Variants in CDH13 observed in about 807,000 individuals in gnomAD.
CDH13 encodes the protein cadherin-13.
Under a neutral mutation model 63.8 loss-of-function variants are expected in CDH13, and 24 were observed. That is an observed-to-expected ratio of 0.38 (90% confidence interval 0.27 to 0.53). The LOEUF is 0.53. CDH13 is among the 20% of genes least tolerant of loss of function. The pLI is 0.85. For missense variants in CDH13, 1,049 were observed against 903.1 expected, an observed-to-expected ratio of 1.16 and a Z score of -2.07; for synonymous variants, 503 against 355.3, an observed-to-expected ratio of 1.42 and a Z score of -4.67.
chr16:83,422,210 G>A (rs10514571), intron 6 of CDH13, among the ~76,000 whole-genome samples: 76,451 of 152,016 alleles, frequency 0.5, 19,755 homozygotes, highest in African/African-American at 0.61. Flanking sequence ...ACTATTTTTC[G>A]TAAGTTGTAC....
chr16:83,789,337 C>CTTTTTTTTT (rs148503283), intron 13 of CDH13, among the ~76,000 whole-genome samples: 28 of 132,254 alleles, frequency 2.1e-4, no homozygotes, highest in Non-Finnish European at 2.7e-4. Flanking sequence ...TAGTAGCTTT[C>CTTTTTTTTT]TTTTTTTTTG....
chr16:83,107,995 G>C (rs1002947137), intron 3 of CDH13, among the ~76,000 whole-genome samples: 1 of 151,872 alleles, frequency 6.6e-6, no homozygotes, highest in Non-Finnish European at 1.5e-5. Flanking sequence ...GCTAATTTTT[G>C]TATTTTTAGT....
At chr16:83,525,899 A>T (rs2074948863) in intron 7 of CDH13, among the ~76,000 whole-genome samples, 1 of 152,196 alleles carries the variant, frequency 6.6e-6, no homozygotes, top group African/African-American at 2.4e-5. Context: ...GGGGCCACAA[A>T]CCAAGGAACA....
At chr16:83,295,130 GA>G (rs992494714) in intron 5 of CDH13, among the ~76,000 whole-genome samples, 8 of 152,050 alleles carry the variant, frequency 5.3e-5, no homozygotes, top group East Asian at 3.9e-4. Flanking sequence ...CACAATGGGG[GA>G]AAAAAACTCT....
At chr16:83,277,553 G>A (rs75051030) in intron 5 of CDH13, among the ~76,000 whole-genome samples, 4,276 of 152,188 alleles carry the variant, frequency 0.028, 187 homozygotes, top group African/African-American at 0.089. Context: ...ATGAGGTCAA[G>A]ACTATTTTCA....
intron 1 of CDH13, among the ~76,000 whole-genome samples, chr16:82,807,458 C>G (rs184105775): frequency 8.6e-4 from 131 of 152,198 alleles, no homozygotes; most frequent in Non-Finnish European, 1.6e-3. Context: ...ATTCCAAGAT[C>G]AAGGGGAAGG....
chr16:83,495,499 A>G (rs2151577188), intron 7 of CDH13, among the ~76,000 whole-genome samples: 1 of 152,340 alleles, frequency 6.6e-6, no homozygotes, highest in African/African-American at 2.4e-5. Context: ...TTTAAAAGGT[A>G]TCAGACTCTT....
At chr16:83,613,647 A>G (rs1339679859) in intron 8 of CDH13, among the ~76,000 whole-genome samples, 2 of 152,112 alleles carry the variant, frequency 1.3e-5, no homozygotes, top group Non-Finnish European at 2.9e-5. Flanking sequence ...CCTGGCCAAC[A>G]TGGTGAAACC....
At chr16:83,162,036 C>A (rs58148119) in intron 4 of CDH13, among the ~76,000 whole-genome samples, 1 of 152,116 alleles carries the variant, frequency 6.6e-6, no homozygotes, top group Non-Finnish European at 1.5e-5. Context: ...CAGCTAGTCC[C>A]TTTGTTTGGG....
At chr16:82,712,296 G>T (rs2032010252) in intron 1 of CDH13, among the ~76,000 whole-genome samples, 1 of 152,046 alleles carries the variant, frequency 6.6e-6, no homozygotes, top group African/African-American at 2.4e-5. Flanking sequence ...CTAAATTATA[G>T]AATACATTTT....
At chr16:82,920,549 G>A (rs1218604984) in intron 2 of CDH13, among the ~76,000 whole-genome samples, 1 of 152,220 alleles carries the variant, frequency 6.6e-6, no homozygotes, top group African/African-American at 2.4e-5. Context: ...AACAGACTGA[G>A]AGTCTGTGGG....
chr16:83,628,050 C>T (rs1355607448), intron 8 of CDH13, among the ~76,000 whole-genome samples: 1 of 152,168 alleles, frequency 6.6e-6, no homozygotes, highest in East Asian at 1.9e-4. Context: ...AGGTCACTCT[C>T]ATCGCCATCT....
intron 2 of CDH13, among the ~76,000 whole-genome samples, chr16:83,013,500 C>A (rs892107946): frequency 1.3e-5 from 2 of 152,190 alleles, no homozygotes; most frequent in Non-Finnish European, 2.9e-5. Context: ...TCACATTTCC[C>A]TTCCACATGA....
At chr16:82,920,377 C>A (rs553514083) in intron 2 of CDH13, among the ~76,000 whole-genome samples, 20 of 152,322 alleles carry the variant, frequency 1.3e-4, no homozygotes, top group African/African-American at 4.1e-4. Flanking sequence ...TAACACAGTT[C>A]AAACCAAAGC....
chr16:83,303,389 C>T (rs2089795816), intron 5 of CDH13, among the ~76,000 whole-genome samples: 5 of 152,150 alleles, frequency 3.3e-5, no homozygotes, highest in Admixed American at 3.3e-4. Flanking sequence ...GTCAATGTGT[C>T]TGTCAATTTG....
intron 2 of CDH13, among the ~76,000 whole-genome samples, chr16:83,030,139 C>T (rs918989334): frequency 6.6e-6 from 1 of 152,170 alleles, no homozygotes; most frequent in Non-Finnish European, 1.5e-5. Context: ...CTTCCCTATT[C>T]CTTCCCACAC....
At chr16:82,866,502 C>T (rs2040150985) in intron 2 of CDH13, among the ~76,000 whole-genome samples, 1 of 148,346 alleles carries the variant, frequency 6.7e-6, no homozygotes, top group African/African-American at 2.5e-5. Flanking sequence ...GATTCTCCTG[C>T]CTCAGCTTCC....
chr16:82,980,345 C>T (rs564004462), intron 2 of CDH13, among the ~76,000 whole-genome samples: 59 of 152,126 alleles, frequency 3.9e-4, no homozygotes, highest in South Asian at 8.3e-4. Flanking sequence ...TGGCTGGGTC[C>T]GTAAAGACCA....
chr16:83,586,218 G>C (rs892544839), intron 7 of CDH13, among the ~76,000 whole-genome samples: 6 of 152,192 alleles, frequency 3.9e-5, no homozygotes, highest in African/African-American at 1.2e-4. Context: ...AGAACCACAA[G>C]GGAGCGTGAT....
Sources: gnomAD v4.1 joint callset for allele counts (sites outside exome capture counted in the v4.1 genomes callset) on GRCh38, gnomAD v4.1.1 for gene constraint, MANE v1.5 for transcripts, NCBI Gene and HGNC (gene_info 2026-07-23, HGNC 2026-07-21) for gene names.